SYNE1: variants seen among roughly 807,000 people sequenced by gnomAD.
SYNE1 encodes spectrin repeat containing nuclear envelope protein 1.
Under a neutral mutation model 1,111.0 loss-of-function variants are expected in SYNE1, and 616 were observed. The observed-to-expected ratio is 0.55, with a 90% confidence interval of 0.52 to 0.59. The LOEUF (loss-of-function observed/expected upper bound fraction) is 0.59, where lower values mean the gene tolerates loss of function less well. Among genes scored for constraint, SYNE1 ranks in the 20% least tolerant of loss-of-function variants. The probability of loss-of-function intolerance (pLI) is 0.00; values close to 1 mark genes in which losing one functional copy is unlikely to be tolerated. For missense variants in SYNE1, 10,006 were observed against 10,417.0 expected, an observed-to-expected ratio of 0.96 and a Z score of 1.72; for synonymous variants, 3,855 against 3,825.8, an observed-to-expected ratio of 1.01 and a Z score of -0.28.
At chr6:152,480,854 CT>C in intron 14 of SYNE1, 1 of 448,928 alleles carries the variant, frequency 2.2e-6, no homozygotes, top group Non-Finnish European at 4.5e-6. Flanking sequence ...ACTCCTGCCC[CT>C]CTCTCTCTCC....
At chr6:152,436,492 G>A (rs1352579) in intron 32 of SYNE1, among the ~76,000 whole-genome samples, 2 of 151,884 alleles carry the variant, frequency 1.3e-5, no homozygotes, top group Non-Finnish European at 2.9e-5. Context: ...GTACAGATGA[G>A]GTCTCACTAT....
At chr6:152,237,618 G>T (rs1156314393) in intron 108 of SYNE1, among the ~76,000 whole-genome samples, 8 of 152,030 alleles carry the variant, frequency 5.3e-5, no homozygotes, top group Admixed American at 5.2e-4. Flanking sequence ...TCTAGCCCAG[G>T]TATGTATGGT....
chr6:152,534,114 T>C (rs2099220431), intron 4 of SYNE1, among the ~76,000 whole-genome samples: 1 of 151,658 alleles, frequency 6.6e-6, no homozygotes, highest in Non-Finnish European at 1.5e-5. Flanking sequence ...ATCCAAGCCA[T>C]GCCACTGCAC....
At chr6:152,380,361 G>A (rs116184307) in intron 56 of SYNE1, among the ~76,000 whole-genome samples, 1,764 of 151,808 alleles carry the variant, frequency 0.012, 28 homozygotes, top group African/African-American at 0.04. Flanking sequence ...TGAAAGAAAC[G>A]AAGAAGAGGT....
chr6:152,477,706 A>G (rs2154288324), intron 14 of SYNE1, among the ~76,000 whole-genome samples: 1 of 152,316 alleles, frequency 6.6e-6, no homozygotes, highest in Non-Finnish European at 1.5e-5. Context: ...TTACAGATGT[A>G]TCACAAATGC....
At chr6:152,200,069 A>AC (rs562120110) in intron 127 of SYNE1, among the ~76,000 whole-genome samples, 4 of 151,882 alleles carry the variant, frequency 2.6e-5, no homozygotes, top group Non-Finnish European at 5.9e-5. Context: ...ACCGATTTCT[A>AC]CCCCCCCAAC....
Position 152,426,249 on chromosome 6 carries a change from T to C in SYNE1, c.5101-702A>G, listed in dbSNP as rs147457571. On this transcript the variant is annotated intron_variant, in intron 38 of 145. Coordinates refer to ENST00000367255, the MANE Select transcript of SYNE1 (RefSeq NM_182961.4). ...TAGGTATGGCACAGCAGATAGTAGATACTTGTCAAAATGCTCTCCTTCCCT... is the reference window on the plus strand; with the variant it reads ...TAGGTATGGCACAGCAGATAGTAGACACTTGTCAAAATGCTCTCCTTCCCT... Among the ~76,000 whole-genome samples the C allele has an allele frequency of 2.3e-4, 35 of 152,362 alleles. No homozygotes were observed. In the East Asian group the frequency reaches 5.2e-3, roughly 23 times the overall value.
chr6:152,262,175 C>T lies in SYNE1; in HGVS notation c.18829G>A (p.Val6277Met), dbSNP rs1398080723. ...TCCATCCCCAACTCCTGGGATAACA[C>T]ATCAGGTTTTTCGCTATTAGAAGAA... The part of the protein sequence containing the change: ...TSGDAGEKPD[V>M]LSQELGMEGE... Residue 6277 changes from valine to methionine, a missense_variant, in exon 101 of 146, where the codon GTG (valine) becomes ATG (methionine). Transcript: ENST00000367255. 2 of 1,613,812 alleles carry T rather than the reference C, an allele frequency of 1.2e-6. No homozygotes were observed. The highest frequency in any genetic ancestry group is 1.1e-5 in the South Asian group (1 of 91,078).
At position 152,387,396 on chromosome 6, in the gene SYNE1, A is replaced by T. The variant is rs772378664; in HGVS notation, c.8178-15T>A. On this transcript the variant is annotated splice_polypyrimidine_tract_variant and intron_variant, in intron 53 of 145. Coordinates refer to ENST00000367255, the MANE Select transcript of SYNE1 (RefSeq NM_182961.4). ...ACTCTAAAGTGCTAGAATTAATGTCACATATTAACAAAAATGAATTATTTT... is the reference window on the plus strand; with the variant it reads ...ACTCTAAAGTGCTAGAATTAATGTCTCATATTAACAAAAATGAATTATTTT... The T allele has an allele frequency of 6.2e-7, 1 of 1,611,892 alleles. No individual in the cohort carries two copies. Among genetic ancestry groups the T allele is most frequent in the South Asian group, 1.1e-5 (1 of 91,052 alleles).
intron 119 of SYNE1, among the ~76,000 whole-genome samples, chr6:152,219,538 T>G (rs1327422381): frequency 1.3e-5 from 2 of 150,394 alleles, no homozygotes; most frequent in Non-Finnish European, 3.0e-5. Context: ...AGCCAATAAC[T>G]GGAAATATTT....
chr6:152,203,472 A>G (rs1297254538), intron 126 of SYNE1, among the ~76,000 whole-genome samples: 1 of 152,102 alleles, frequency 6.6e-6, no homozygotes, highest in Non-Finnish European at 1.5e-5. Context: ...CACTCCATAC[A>G]CCGTGAATTA....
At chr6:152,131,419 C>T (rs1031400640) in intron 144 of SYNE1, among the ~76,000 whole-genome samples, 2 of 149,970 alleles carry the variant, frequency 1.3e-5, no homozygotes, top group Non-Finnish European at 3.0e-5. Context: ...GAAATCAAAA[C>T]TTCTAAAAAC....
rs529615589 is a variant in SYNE1, at chr6:152,318,690, A to G, written c.16389+173T>C. Among the ~76,000 whole-genome samples the G allele has an allele frequency of 2.0e-5, 3 of 152,366 alleles. No individual in the cohort carries two copies. The South Asian group carries it at 6.2e-4, about 32-fold the overall frequency. On this transcript the variant is annotated intron_variant, in intron 85 of 145. Coordinates refer to ENST00000367255, the MANE Select transcript of SYNE1 (RefSeq NM_182961.4). ...TAATACTGTTCAATTATAATGATCA[A>G]TTATGTAAGAGGATCTGTGTTGCTT... is the stretch of plus-strand genomic sequence containing the variant.
rs193237586 is a variant in SYNE1, at chr6:152,186,719, A to G, written c.23301+2533T>C. 1.9e-3 allele frequency among the ~76,000 whole-genome samples: 290 copies of G among 152,146 alleles called. 1 individual carries two copies. The highest frequency in any genetic ancestry group is 7.2e-3 in the Admixed American group (110 of 15,272). On this transcript the variant is annotated intron_variant, in intron 128 of 145. Transcript: ENST00000367255. ...AACAGGATCCAATCTCTAAAATATTATCTCTCTGAAGGCTTCACAGGCATC... is the reference window on the plus strand; with the variant it reads ...AACAGGATCCAATCTCTAAAATATTGTCTCTCTGAAGGCTTCACAGGCATC...
intron 124 of SYNE1, 42 bp from the exon 125 acceptor site, chr6:152,208,248 T>C: frequency 6.4e-7 from 1 of 1,566,680 alleles, no homozygotes; most frequent in Non-Finnish European, 8.8e-7. Flanking sequence ...CACTGTTATC[T>C]TGGATGCAGT....
At chr6:152,429,797 CT>C (rs1249603963) in intron 36 of SYNE1, among the ~76,000 whole-genome samples, 1 of 152,068 alleles carries the variant, frequency 6.6e-6, no homozygotes, top group Non-Finnish European at 1.5e-5. Flanking sequence ...TGCACATGTA[CT>C]TTTTTATAAT....
intron 25 of SYNE1, among the ~76,000 whole-genome samples, chr6:152,452,076 C>G (rs546388189): frequency 4.4e-4 from 67 of 151,952 alleles, no homozygotes; most frequent in South Asian, 8.3e-4. Context: ...TTCCTTAGAT[C>G]ATACATTGAG....
chr6:152,329,198 A>G (rs1309899834), intron 78 of SYNE1, among the ~76,000 whole-genome samples: 1 of 152,228 alleles, frequency 6.6e-6, no homozygotes, highest in Non-Finnish European at 1.5e-5. Flanking sequence ...TCAAGATGGA[A>G]ACCACACAAA....
chr6:152,438,237 T>C (rs1047457490), intron 32 of SYNE1, among the ~76,000 whole-genome samples: 1 of 152,176 alleles, frequency 6.6e-6, no homozygotes, highest in Admixed American at 6.5e-5. Context: ...AATCACCACA[T>C]GATCTCTTAG....
Sources: allele counts gnomAD v4.1 joint callset (sites outside exome capture counted in the v4.1 genomes callset), GRCh38; gene constraint gnomAD v4.1.1; transcripts MANE v1.5; gene names NCBI Gene and HGNC (gene_info 2026-07-23, HGNC 2026-07-21).